The following OTC variants were observed in gnomAD, a reference collection of about 807,000 sequenced individuals.
OTC encodes ornithine transcarbamylase, mitochondrial.
Under a neutral mutation model 30.3 loss-of-function variants are expected in OTC, and 3 were observed. The ratio of observed to expected loss-of-function variants is 0.10; its 90% CI spans 0.05 to 0.26. The LOEUF (loss-of-function observed/expected upper bound fraction) is 0.26, where lower values mean the gene tolerates loss of function less well. Ranked by LOEUF, OTC falls within the 10% of genes least tolerant of loss-of-function variation. The probability of loss-of-function intolerance (pLI) is 1.00; values close to 1 mark genes in which losing one functional copy is unlikely to be tolerated. For synonymous variants in OTC, 111 were observed against 99.7 expected (o/e 1.11, Z -0.67); for missense variants, 194 against 260.3 (o/e 0.75, Z 1.75).
chrX:38,390,204 C>T (rs1457672242), intron 4 of OTC, among the ~76,000 whole-genome samples: 2 of 111,974 alleles, frequency 1.8e-5, no homozygotes, highest in Admixed American at 1.9e-4. Context: ...CTTCCAACAC[C>T]AGCCCATTTG....
intron 4 of OTC, among the ~76,000 whole-genome samples, chrX:38,384,788 T>G (rs1439167365): frequency 9.1e-6 from 1 of 109,762 alleles, no homozygotes; most frequent in Non-Finnish European, 1.9e-5. Context: ...GAGAATATAG[T>G]GAGTGTAGCA....
At chrX:38,331,647 A>G in the OTC span, among the ~76,000 whole-genome samples, 1 of 108,237 alleles carries the variant, frequency 9.2e-6, no homozygotes, top group African/African-American at 3.4e-5. Flanking sequence ...CAGTGGCGCA[A>G]TCTCAGCTCA....
chrX:38,405,786 C>T (rs17144936), intron 6 of OTC, among the ~76,000 whole-genome samples: 7,199 of 111,294 alleles, frequency 0.065, 621 homozygotes, highest in African/African-American at 0.22. Context: ...GTGCTTAAAG[C>T]GGCTTTTATT....
intron 4 of OTC, among the ~76,000 whole-genome samples, chrX:38,393,112 A>C (rs2068437202): frequency 1.8e-5 from 2 of 112,084 alleles, no homozygotes; most frequent in Non-Finnish European, 3.8e-5. Context: ...TGCATATTCA[A>C]ATTTTCATTG....
At chrX:38,334,645 T>G in the OTC span, among the ~76,000 whole-genome samples, 1 of 112,499 alleles carries the variant, frequency 8.9e-6, no homozygotes, top group Admixed American at 9.4e-5. Flanking sequence ...TACTATATTG[T>G]GTATATTGTA....
chrX:38,378,555 A>C (rs2068360700), intron 3 of OTC, among the ~76,000 whole-genome samples: 1 of 111,655 alleles, frequency 9.0e-6, no homozygotes, highest in Non-Finnish European at 1.9e-5. Context: ...TATATAAAGC[A>C]AGTATTATTA....
chrX:38,357,984 G>GAAT (rs767875548), intron 1 of OTC, among the ~76,000 whole-genome samples: 16 of 111,531 alleles, frequency 1.4e-4, no homozygotes, highest in Non-Finnish European at 3.0e-4. Context: ...TGTGCAGCCT[G>GAAT]AATAATAATA....
intron 5 of OTC, among the ~76,000 whole-genome samples, chrX:38,402,674 TTAAAGA>T (rs1338762127): frequency 2.3e-4 from 26 of 112,161 alleles, no homozygotes; most frequent in African/African-American, 8.4e-4. Context: ...CAATAAAACA[TTAAAGA>T]TAGAGTTGAA....
At chrX:38,380,834 T>C (rs887138964) in intron 3 of OTC, among the ~76,000 whole-genome samples, 1 of 111,846 alleles carries the variant, frequency 8.9e-6, no homozygotes, top group South Asian at 3.8e-4. Context: ...ATTCAAGCGA[T>C]TCTCCTGCCT....
rs756096405 is a variant in OTC, at chrX:38,403,733, C to A, written c.656C>A (p.Thr219Asn). 2 of 1,209,227 alleles carry A rather than the reference C, an allele frequency of 1.7e-6. No individual in the cohort carries two copies. Among genetic ancestry groups the A allele is most frequent in the East Asian group, 5.9e-5 (2 of 33,757 alleles). ...TTCGGAATGCACCTTCAGGCAGCTA[C>A]TCCAAAGGTAGGGAAACTTTTTGCC... is the stretch of plus-strand genomic sequence containing the variant. ...AKFGMHLQAA[T>N]PKGYEPDASV... The change falls in exon 6 of 10, where the codon ACT becomes AAT. Residue 219 changes from threonine (T) to asparagine (N), a missense_variant. Thr to Asn is a moderately conservative substitution (Grantham distance 65). Coordinates refer to ENST00000039007, the MANE Select transcript of OTC (RefSeq NM_000531.6).
rs1465255651 is a variant in OTC at position 38,400,320 on chromosome X, A to G, written c.387-955A>G. Reference sequence around the variant, plus strand: ...TAGAAAAATATTGTTATAGGAATATAGTTTTTAATCTTTGATTCTCTAATC... The same window carrying G: ...TAGAAAAATATTGTTATAGGAATATGGTTTTTAATCTTTGATTCTCTAATC... On this transcript the variant is annotated intron_variant, in intron 4 of 9. Coordinates refer to ENST00000039007, the MANE Select transcript of OTC (RefSeq NM_000531.6). Among the ~76,000 whole-genome samples the G allele has an allele frequency of 8.9e-4, 99 of 111,819 alleles. 5 individuals are homozygous for G. Among genetic ancestry groups the G allele is most frequent in the Non-Finnish European group, 1.9e-5 (1 of 53,175 alleles).
At chrX:38,408,653 G>A in intron 6 of OTC, 89 bp from the exon 7 acceptor site, 1 of 600,657 alleles carries the variant, frequency 1.7e-6, no homozygotes, top group Non-Finnish European at 2.7e-6. Flanking sequence ...AAGGGAAGGA[G>A]ACGCGATATT....
rs752297411 is a variant in OTC at position 38,387,770 on chromosome X, C to T, written c.386+6341C>T. Among the ~76,000 whole-genome samples the T allele has an allele frequency of 3.6e-5, 4 of 111,922 alleles. No individual in the cohort carries two copies. In the South Asian group the frequency reaches 1.1e-3, roughly 32 times the overall value. ...ACTAGGCACAAGCTTCCACAAGTCC[C>T]CTCCCAGTGGTGTCACACAGGATGT... On this transcript the variant is annotated intron_variant, in intron 4 of 9. Coordinates refer to ENST00000039007, the MANE Select transcript of OTC (RefSeq NM_000531.6).
At chrX:38,418,412 T>C (rs998948989) in intron 9 of OTC, among the ~76,000 whole-genome samples, 16 of 112,413 alleles carry the variant, frequency 1.4e-4, no homozygotes, top group Middle Eastern at 4.6e-3. Flanking sequence ...TTACAAATAT[T>C]TTGTCCCATT....
At chrX:38,379,787 G>T (rs900234085) in intron 3 of OTC, among the ~76,000 whole-genome samples, 1 of 110,154 alleles carries the variant, frequency 9.1e-6, no homozygotes, top group African/African-American at 3.3e-5. Flanking sequence ...CCACCACCAC[G>T]CCTGGCTAAT....
At chrX:38,406,570 C>T (rs886200859) in intron 6 of OTC, among the ~76,000 whole-genome samples, 4 of 111,563 alleles carry the variant, frequency 3.6e-5, no homozygotes, top group Non-Finnish European at 7.5e-5. Flanking sequence ...TTTCTAATTT[C>T]CAGACCTCTC....
chrX:38,358,267 G>GA (rs112597760), intron 1 of OTC, among the ~76,000 whole-genome samples: 54 of 101,332 alleles, frequency 5.3e-4, no homozygotes, highest in African/African-American at 1.2e-3. Context: ...CTACAGACCA[G>GA]AAAAAAAAAA....
At chrX:38,367,618 T>C (rs2068303401) in intron 2 of OTC, among the ~76,000 whole-genome samples, 189 bp downstream of exon 2, 1 of 112,215 alleles carries the variant, frequency 8.9e-6, no homozygotes. Context: ...AAATCAGTTA[T>C]TGAATGACAA....
rs796052014 is a variant in OTC at position 38,352,693 on chromosome X, G to A, written c.-4G>A. The stretch of plus-strand genomic sequence containing the variant: ...AGAATCGTCCTTTACACAATTAAAA[G>A]AAGATGCTGTTTAATCTGAGGATCC... On this transcript the variant is annotated 5_prime_UTR_variant, in exon 1 of 10. Transcript: ENST00000039007. 6 of 1,193,683 alleles carry A rather than the reference G, an allele frequency of 5.0e-6. No individual in the cohort carries two copies. Among genetic ancestry groups the A allele is most frequent in the Non-Finnish European group, 6.8e-6 (6 of 878,962 alleles).
Sources: allele counts gnomAD v4.1 joint callset (sites outside exome capture counted in the v4.1 genomes callset), GRCh38; gene constraint gnomAD v4.1.1; transcripts MANE v1.5; gene names NCBI Gene and HGNC (gene_info 2026-07-23, HGNC 2026-07-21).